SMIM36: variants seen among roughly 807,000 people sequenced by gnomAD.
The protein encoded by SMIM36 is small integral membrane protein 36.
At chr17:55,508,833 G>T (rs1392228933) in intron 1 of SMIM36, among the ~76,000 whole-genome samples, 1 of 151,202 alleles carries the variant, frequency 6.6e-6, no homozygotes, top group African/African-American at 2.4e-5. Flanking sequence ...TGAGGCAGGA[G>T]CATTGCTTGA....
intron 1 of SMIM36, among the ~76,000 whole-genome samples, chr17:55,502,236 C>T (rs1910003211): frequency 6.7e-6 from 1 of 149,304 alleles, no homozygotes; most frequent in Non-Finnish European, 1.5e-5. Context: ...CTCAAGGAGG[C>T]CTGCCTGCCT....
At chr17:55,453,653 A>G (rs1908965060) in intron 4 of SMIM36, among the ~76,000 whole-genome samples, 1 of 152,232 alleles carries the variant, frequency 6.6e-6, no homozygotes, top group Non-Finnish European at 1.5e-5. Flanking sequence ...ACTAGCACTG[A>G]GAACAAGAAT....
At chr17:55,466,695 G>C (rs1909245032) in intron 4 of SMIM36, among the ~76,000 whole-genome samples, 1 of 152,162 alleles carries the variant, frequency 6.6e-6, no homozygotes, top group Non-Finnish European at 1.5e-5. Context: ...GAGTGGGCAG[G>C]AGGAGGAGCT....
At chr17:55,474,876 C>T (rs1026520209) in intron 3 of SMIM36, among the ~76,000 whole-genome samples, 5 of 151,972 alleles carry the variant, frequency 3.3e-5, no homozygotes, top group Admixed American at 2.6e-4. Flanking sequence ...ACTATGACAC[C>T]CGGAAAACTT....
At chr17:55,521,781 A>T in the SMIM36 span, among the ~76,000 whole-genome samples, 3 of 152,102 alleles carry the variant, frequency 2.0e-5, no homozygotes, top group South Asian at 6.2e-4. Flanking sequence ...CATATGGAAT[A>T]GCAGAAAATC....
At chr17:55,522,544 T>C in the SMIM36 span, among the ~76,000 whole-genome samples, 4 of 152,174 alleles carry the variant, frequency 2.6e-5, no homozygotes, top group Non-Finnish European at 5.9e-5. Flanking sequence ...AACTCCCATT[T>C]ATAAAACCAT....
At chr17:55,523,312 A>ACGATGT in the SMIM36 span, among the ~76,000 whole-genome samples, 1 of 152,100 alleles carries the variant, frequency 6.6e-6, no homozygotes, top group South Asian at 2.1e-4. Context: ...TGGGCAGATC[A>ACGATGT]CGATGTCGGG....
the SMIM36 span, among the ~76,000 whole-genome samples, chr17:55,526,582 T>A: frequency 6.6e-6 from 1 of 152,302 alleles, no homozygotes; most frequent in South Asian, 2.1e-4. Context: ...GCAGAGGGCA[T>A]TAAGAGACCA....
intron 3 of SMIM36, among the ~76,000 whole-genome samples, chr17:55,473,813 A>G (rs1909381755): frequency 6.6e-6 from 1 of 152,050 alleles, no homozygotes; most frequent in Non-Finnish European, 1.5e-5. Flanking sequence ...CACCCCTCAT[A>G]TTGTCTTATG....
chr17:55,501,788 C>T (rs868511631), intron 1 of SMIM36, among the ~76,000 whole-genome samples: 19 of 151,432 alleles, frequency 1.3e-4, no homozygotes, highest in African/African-American at 2.7e-4. Flanking sequence ...CGCAGAAGAC[C>T]GGTGATTTCT....
intron 1 of SMIM36, among the ~76,000 whole-genome samples, chr17:55,499,596 G>A (rs1213731482): frequency 8.5e-5 from 13 of 152,090 alleles, no homozygotes; most frequent in African/African-American, 3.1e-4. Context: ...CCTTGCCTTG[G>A]AAGTGTTTGG....
intron 1 of SMIM36, among the ~76,000 whole-genome samples, chr17:55,481,586 A>G (rs1164655801): frequency 1.3e-5 from 2 of 152,232 alleles, no homozygotes; most frequent in Non-Finnish European, 2.9e-5. Context: ...TTTAGGAAGC[A>G]CGGGTATAAG....
chr17:55,484,895 A>G (rs1002212575), intron 1 of SMIM36, among the ~76,000 whole-genome samples: 3 of 152,154 alleles, frequency 2.0e-5, no homozygotes, highest in Non-Finnish European at 4.4e-5. Context: ...CTTGTTCTAG[A>G]TTAAAGGAGA....
chr17:55,455,884 G>A (rs190813261), intron 4 of SMIM36, among the ~76,000 whole-genome samples: 16 of 152,030 alleles, frequency 1.1e-4, no homozygotes, highest in African/African-American at 2.9e-4. Context: ...TTGGGAGGCC[G>A]AGGCACATGG....
intron 3 of SMIM36, chr17:55,477,129 A>G (rs1465096352): frequency 6.6e-6 from 1 of 152,200 alleles, no homozygotes; most frequent in African/African-American, 2.4e-5. Flanking sequence ...GCAGTGAGCT[A>G]TGATTATACC....
intron 1 of SMIM36, among the ~76,000 whole-genome samples, chr17:55,480,778 G>A (rs1361519438): frequency 6.6e-6 from 1 of 152,162 alleles, no homozygotes; most frequent in African/African-American, 2.4e-5. Context: ...GTCTCTCAGA[G>A]ACAATGGTTG....
chr17:55,525,884 T>C, the SMIM36 span, among the ~76,000 whole-genome samples: 2 of 151,978 alleles, frequency 1.3e-5, no homozygotes. Flanking sequence ...TCTCGAACTT[T>C]TGTGCTCAAG....
chr17:55,521,638 C>T, the SMIM36 span, among the ~76,000 whole-genome samples: 1 of 150,240 alleles, frequency 6.7e-6, no homozygotes, highest in Non-Finnish European at 1.5e-5. Flanking sequence ...GTAGATTGGA[C>T]TTGGGAGGAC....
chr17:55,526,783 C>T, the SMIM36 span, among the ~76,000 whole-genome samples: 1 of 152,130 alleles, frequency 6.6e-6, no homozygotes, highest in Non-Finnish European at 1.5e-5. Context: ...CACAGTTTGC[C>T]TCTGGCTCAT....
Sources: allele counts gnomAD v4.1 joint callset (sites outside exome capture counted in the v4.1 genomes callset), GRCh38; gene constraint gnomAD v4.1.1; transcripts MANE v1.5; gene names NCBI Gene and HGNC (gene_info 2026-07-23, HGNC 2026-07-21).